The following DEAF1 variants were observed in gnomAD, a reference collection of about 807,000 sequenced individuals.
The protein encoded by DEAF1 is DEAF1 transcription factor, also known as deformed epidermal autoregulatory factor 1 homolog.
DEAF1 carries 53 observed loss-of-function variants against 58.9 expected under a neutral mutation model. That is an observed-to-expected ratio of 0.90 (90% CI 0.72 to 1.13). The LOEUF (loss-of-function observed/expected upper bound fraction) is 1.13. Ranked by LOEUF, DEAF1 falls within the 50% of genes most tolerant of loss-of-function variation. The pLI, the probability that DEAF1 is intolerant of heterozygous loss-of-function variation, is 0.00. For missense variants in DEAF1, 685 were observed against 791.4 expected (o/e 0.87, Z 1.61); for synonymous variants, 385 against 340.4 (o/e 1.13, Z -1.44).
At chr11:673,516 A>G (rs1277077866) in intron 10 of DEAF1, among the ~76,000 whole-genome samples, 3 of 152,238 alleles carry the variant, frequency 2.0e-5, no homozygotes, top group Non-Finnish European at 2.9e-5. Flanking sequence ...CGACAGAGTG[A>G]CAGCCTGTTC....
chr11:655,506 G>A (rs942567518), intron 10 of DEAF1, among the ~76,000 whole-genome samples: 2 of 151,570 alleles, frequency 1.3e-5, no homozygotes, highest in Non-Finnish European at 2.9e-5. Flanking sequence ...TTGGCGCCGC[G>A]ACCTGCACGC....
chr11:667,850 G>A (rs1156597741), intron 10 of DEAF1, among the ~76,000 whole-genome samples: 1 of 152,040 alleles, frequency 6.6e-6, no homozygotes, highest in African/African-American at 2.4e-5. Context: ...GTTAGCTCAT[G>A]CCTGTAATCC....
In DEAF1 at chr11:660,211, A is replaced by C. The variant is rs7937308; in HGVS notation, c.1504-6160T>G. Among the ~76,000 whole-genome samples the C allele has an allele frequency of 6.4e-3, 969 of 152,392 alleles. 55 individuals carry two copies. In the East Asian group the frequency reaches 0.13, roughly 21 times the overall value. On this transcript the variant is annotated intron_variant, in intron 10 of 11. Transcript: ENST00000382409. Reference sequence around the variant, plus strand: ...AAAACATCAAGCAGGTTTATCTGAAAGCTGAGCCGCACACGTAAAGAGATC... The same window carrying C: ...AAAACATCAAGCAGGTTTATCTGAACGCTGAGCCGCACACGTAAAGAGATC...
At chr11:654,164 C>CTTTT in intron 10 of DEAF1, 113 bp from the exon 11 acceptor site, 1 of 523,468 alleles carries the variant, frequency 1.9e-6, no homozygotes, top group African/African-American at 5.8e-5. Context: ...CATTGGACCC[C>CTTTT]CTTTTTTTTT....
chr11:706,571 C>T lies in DEAF1; in HGVS notation c.-438+1G>A. 6.6e-6 allele frequency: 1 copy of T among 152,444 alleles called. No individual in the cohort carries two copies. The highest frequency in any genetic ancestry group is 1.5e-5 in the Non-Finnish European group (1 of 68,232). The allele number at this position is 152,444 out of a possible 1,614,324, so 9.4% of individuals were successfully genotyped here. On this transcript the variant is annotated splice_donor_variant, in intron 1 of 11. Transcript: ENST00000683307. LOFTEE classifies it low-confidence loss of function (5UTR_SPLICE). The stretch of plus-strand genomic sequence containing the variant: ...TTTTAAGCCAGCGATGGGTGACTCA[C>T]CTGCCCCGTCCTGCCCACTCCCAGC...
At chr11:680,501 T>G (rs1860306192) in intron 7 of DEAF1, among the ~76,000 whole-genome samples, 1 of 152,208 alleles carries the variant, frequency 6.6e-6, no homozygotes, top group Admixed American at 6.5e-5. Context: ...TCCCAGCTAC[T>G]TGGGAGGCTG....
upstream of DEAF1, chr11:698,728 C>G: frequency 1.0e-6 from 1 of 968,920 alleles, no homozygotes; most frequent in Non-Finnish European, 1.7e-6. Flanking sequence ...AGTGGCAGGC[C>G]CACGGTATAT....
At chr11:649,981 G>A (rs1250396542) in intron 11 of DEAF1, among the ~76,000 whole-genome samples, 7 of 150,548 alleles carry the variant, frequency 4.6e-5, no homozygotes, top group African/African-American at 7.3e-5. Context: ...GGCTGAGATC[G>A]TGCCATTGCA....
At chr11:667,074 T>C (rs1328362830) in intron 10 of DEAF1, among the ~76,000 whole-genome samples, 3 of 150,758 alleles carry the variant, frequency 2.0e-5, no homozygotes, top group Non-Finnish European at 3.0e-5. Context: ...GTGGTACACA[T>C]GTGTAGTCCC....
chr11:679,216 G>A (rs1194664879), intron 8 of DEAF1, among the ~76,000 whole-genome samples: 2 of 151,868 alleles, frequency 1.3e-5, no homozygotes. Flanking sequence ...TTGGGAGGCT[G>A]AGGCAGGAGA....
chr11:690,242 AGGGGAGAGGAGGGGAGGGGAG>A, intron 2 of DEAF1, among the ~76,000 whole-genome samples: 1 of 60,182 alleles, frequency 1.7e-5, no homozygotes, highest in Non-Finnish European at 3.1e-5. Flanking sequence ...AGGGGAGGGG[AGGGGAGAGGAGGGGAGGGGAG>A]GGCAGGGCAG....
upstream of DEAF1, chr11:695,820 C>G (rs973701600): frequency 1.6e-6 from 2 of 1,231,362 alleles, no homozygotes; most frequent in Non-Finnish European, 2.0e-6. Flanking sequence ...GCGGGCGGGG[C>G]GGGTAAGATG....
Position 679,675 on chromosome 11 carries a change from T to G in DEAF1, c.1126+13A>C. The G allele has an allele frequency of 6.2e-7, 1 of 1,610,666 alleles. No individual in the cohort carries two copies. On this transcript the variant is annotated intron_variant, in intron 8 of 11. Transcript: ENST00000382409. The stretch of plus-strand genomic sequence containing the variant: ...TGCTGAGGACGCGTCAGGCAGGCAC[T>G]GGAGCAGCTCACCTGTGGCCCCTGC...
chr11:700,818 C>T (rs569312356), intron 1 of DEAF1: 12 of 1,020,660 alleles, frequency 1.2e-5, no homozygotes, highest in South Asian at 1.1e-4. Context: ...CATTTTTTAT[C>T]CAAACTGCTT....
At chr11:661,225 C>G (rs1381798794) in intron 10 of DEAF1, among the ~76,000 whole-genome samples, 1 of 152,156 alleles carries the variant, frequency 6.6e-6, no homozygotes. Flanking sequence ...GAGTCCAAGA[C>G]CCTGCAGCCA....
upstream of DEAF1, among the ~76,000 whole-genome samples, chr11:697,163 C>T (rs1046494788): frequency 1.5e-5 from 2 of 134,094 alleles, no homozygotes; most frequent in African/African-American, 5.5e-5. Flanking sequence ...CTGAGGCTGG[C>T]GGATCACTGG....
At chr11:660,492 G>A (rs530615263) in intron 10 of DEAF1, among the ~76,000 whole-genome samples, 50 of 152,190 alleles carry the variant, frequency 3.3e-4, no homozygotes, top group Admixed American at 8.5e-4. Flanking sequence ...GCACCTGGCC[G>A]CCCCTCCCAC....
At chr11:663,317 G>A (rs1266699247) in intron 10 of DEAF1, among the ~76,000 whole-genome samples, 6 of 152,158 alleles carry the variant, frequency 3.9e-5, no homozygotes, top group African/African-American at 9.7e-5. Flanking sequence ...ACGTGGTGGC[G>A]CGTGCCTGTA....
At chr11:657,007 C>G (rs1309278998) in intron 10 of DEAF1, among the ~76,000 whole-genome samples, 1 of 150,384 alleles carries the variant, frequency 6.6e-6, no homozygotes, top group Non-Finnish European at 1.5e-5. Flanking sequence ...TTCATACACA[C>G]AGGTGACACC....
Sources: allele counts gnomAD v4.1 joint callset (sites outside exome capture counted in the v4.1 genomes callset), GRCh38; gene constraint gnomAD v4.1.1; transcripts MANE v1.5; gene names NCBI Gene and HGNC (gene_info 2026-07-23, HGNC 2026-07-21).